The following CRPPA variants were observed in gnomAD, a reference collection of about 807,000 sequenced individuals.
CRPPA encodes CDP-L-ribitol pyrophosphorylase A.
CRPPA carries 43 observed loss-of-function variants against 52.0 expected under a neutral mutation model. That is an observed-to-expected ratio of 0.83 (90% confidence interval 0.65 to 1.07). CRPPA has a LOEUF of 1.07. Ranked by LOEUF, CRPPA falls within the 50% of genes least tolerant of loss-of-function variation. CRPPA has a pLI of 0.00. For missense variants in CRPPA, 629 were observed against 551.7 expected, an observed-to-expected ratio of 1.14 and a Z score of -1.40; for synonymous variants, 250 against 203.5, an observed-to-expected ratio of 1.23 and a Z score of -1.94.
intron 5 of CRPPA, among the ~76,000 whole-genome samples, chr7:16,293,441 A>C (rs1784603229): frequency 6.6e-6 from 1 of 151,996 alleles, no homozygotes. Flanking sequence ...CACATGAAAG[A>C]ATTTTAAAAT....
chr7:16,292,068 T>A (rs1297598896), intron 5 of CRPPA, among the ~76,000 whole-genome samples: 1 of 151,950 alleles, frequency 6.6e-6, no homozygotes, highest in Non-Finnish European at 1.5e-5. Flanking sequence ...CAGCTGCTTA[T>A]CTAACACAAC....
chr7:16,319,772 C>T lies in CRPPA; in HGVS notation c.685-11145G>A, dbSNP rs920546866. The stretch of plus-strand genomic sequence containing the variant: ...CACTGTTTCTGGCAACACACTCAGT[C>T]CTTCTACAGCATCCTATGTTCTCCC... On this transcript the variant is annotated intron_variant, in intron 3 of 9. Transcript: ENST00000407010. Among the ~76,000 whole-genome samples, 20 of 152,128 alleles carry T rather than the reference C, an allele frequency of 1.3e-4. 1 individual carries two copies. The East Asian group carries it at 3.9e-3, about 29-fold the overall frequency.
At position 16,154,648 on chromosome 7, in the gene CRPPA, A is replaced by G. The variant is rs1445785217; in HGVS notation, c.1251+61418T>C. On this transcript the variant is annotated intron_variant, in intron 9 of 9. Coordinates refer to ENST00000407010, the MANE Select transcript of CRPPA (RefSeq NM_001101426.4). ...CTTGGACTTATTTCCCAGATTAGAA[A>G]TGAAAATTACATTTGATCTTGTCTT... 2.6e-5 allele frequency among the ~76,000 whole-genome samples: 4 copies of G among 152,168 alleles called. No individual in the cohort carries two copies. In the East Asian group the frequency reaches 7.7e-4, roughly 29 times the overall value.
chr7:16,160,933 G>C (rs149192706), intron 9 of CRPPA, among the ~76,000 whole-genome samples: 5,717 of 152,210 alleles, frequency 0.038, 334 homozygotes, highest in East Asian at 0.3. Context: ...AATTGTGAAT[G>C]GGAGTTTGCT....
At chr7:16,376,888 T>C (rs1786902634) in intron 2 of CRPPA, among the ~76,000 whole-genome samples, 1 of 152,198 alleles carries the variant, frequency 6.6e-6, no homozygotes, top group African/African-American at 2.4e-5. Context: ...AATTTTTCCC[T>C]TTATCTTTTT....
chr7:16,168,372 A>G lies in CRPPA; in HGVS notation c.1251+47694T>C, dbSNP rs114934468. ...ATATGACATATCTGGAATCCTTTATACACAAACCAGTATTAATGGTACTAA... is the reference window on the plus strand; with the variant it reads ...ATATGACATATCTGGAATCCTTTATGCACAAACCAGTATTAATGGTACTAA... On this transcript the variant is annotated intron_variant, in intron 9 of 9. Coordinates refer to ENST00000407010, the MANE Select transcript of CRPPA (RefSeq NM_001101426.4). 7.5e-3 allele frequency among the ~76,000 whole-genome samples: 1,136 copies of G among 152,274 alleles called. 14 individuals are homozygous for G. Among genetic ancestry groups the G allele is most frequent in the African/African-American group, 0.025 (1,043 of 41,564 alleles).
chr7:16,411,958 A>G (rs910720834), intron 1 of CRPPA, among the ~76,000 whole-genome samples: 1 of 152,212 alleles, frequency 6.6e-6, no homozygotes, highest in East Asian at 1.9e-4. Flanking sequence ...ATTGACTTAA[A>G]TGTTAAAATA....
chr7:16,320,774 T>C (rs537721921), intron 3 of CRPPA, among the ~76,000 whole-genome samples: 1 of 152,182 alleles, frequency 6.6e-6, no homozygotes, highest in African/African-American at 2.4e-5. Context: ...ATTTTGCATA[T>C]ATTTACATTG....
chr7:16,281,583 T>A (rs969951827), intron 5 of CRPPA, among the ~76,000 whole-genome samples: 1 of 152,184 alleles, frequency 6.6e-6, no homozygotes, highest in Admixed American at 6.5e-5. Flanking sequence ...TAAGGCCCTG[T>A]CATATTGTCA....
At chr7:16,419,739 A>AC (rs1165212037) in intron 1 of CRPPA, among the ~76,000 whole-genome samples, 5 of 149,998 alleles carry the variant, frequency 3.3e-5, no homozygotes, top group African/African-American at 7.4e-5. Context: ...CCTCACATAG[A>AC]CCCCCTATGA....
At chr7:16,396,914 A>T (rs2128315961) in intron 2 of CRPPA, among the ~76,000 whole-genome samples, 1 of 152,382 alleles carries the variant, frequency 6.6e-6, no homozygotes, top group South Asian at 2.1e-4. Flanking sequence ...GTGAAAGACA[A>T]ATGTGACATG....
At chr7:16,420,150 TCC>T (rs1788291527) in intron 1 of CRPPA, among the ~76,000 whole-genome samples, 1 of 152,146 alleles carries the variant, frequency 6.6e-6, no homozygotes, top group Admixed American at 6.6e-5. Flanking sequence ...TTTCAAAACC[TCC>T]TGCAAAGGCA....
chr7:16,273,122 C>T (rs1360082662), intron 6 of CRPPA, among the ~76,000 whole-genome samples: 1 of 141,504 alleles, frequency 7.1e-6, no homozygotes, highest in Non-Finnish European at 1.5e-5. Context: ...CCCCTCCCCC[C>T]ATCAAAGGGT....
chr7:16,353,193 TA>T (rs1786202763), intron 3 of CRPPA, among the ~76,000 whole-genome samples: 1 of 151,540 alleles, frequency 6.6e-6, no homozygotes, highest in African/African-American at 2.4e-5. Flanking sequence ...CTGTTTAAAC[TA>T]AAAAATACAA....
At chr7:16,310,297 G>A (rs1304480862) in intron 3 of CRPPA, among the ~76,000 whole-genome samples, 1 of 151,902 alleles carries the variant, frequency 6.6e-6, no homozygotes, top group African/African-American at 2.4e-5. Context: ...AAAGCCCTAA[G>A]GACACTTATC....
chr7:16,302,099 A>T (rs1784799606), intron 4 of CRPPA, among the ~76,000 whole-genome samples: 2 of 152,140 alleles, frequency 1.3e-5, no homozygotes, highest in Admixed American at 1.3e-4. Context: ...GATCGAGACC[A>T]TCTTAGATAA....
rs539230701 is a variant in CRPPA at position 16,356,569 on chromosome 7, G to A, written c.684+19523C>T. Among the ~76,000 whole-genome samples, 6 of 152,242 alleles carry A rather than the reference G, an allele frequency of 3.9e-5. No individual in the cohort carries two copies. The South Asian group carries it at 6.2e-4, about 16-fold the overall frequency. On this transcript the variant is annotated intron_variant, in intron 3 of 9. Coordinates refer to ENST00000407010, the MANE Select transcript of CRPPA (RefSeq NM_001101426.4). ...AGCTTCTACTTTGTTCTCTTTGAAC[G>A]CTGCATAAAGTTCCCCAATTCATTT...
chr7:16,104,773 G>A (rs766276706), intron 9 of CRPPA, among the ~76,000 whole-genome samples: 18 of 151,870 alleles, frequency 1.2e-4, no homozygotes, highest in East Asian at 7.8e-4. Context: ...GGTGGCGTGC[G>A]CCTGTAGTCC....
intron 6 of CRPPA, among the ~76,000 whole-genome samples, chr7:16,268,656 A>C (rs1439517649): frequency 6.6e-6 from 1 of 152,214 alleles, no homozygotes; most frequent in East Asian, 1.9e-4. Context: ...TTCAGAACTA[A>C]GTATATACCA....
Sources: allele counts gnomAD v4.1 joint callset (sites outside exome capture counted in the v4.1 genomes callset), GRCh38; gene constraint gnomAD v4.1.1; transcripts MANE v1.5; gene names NCBI Gene and HGNC (gene_info 2026-07-23, HGNC 2026-07-21).